Variants in ST6GALNAC5 observed in about 807,000 individuals in gnomAD.
ST6GALNAC5 encodes the protein alpha-N-acetylgalactosaminide alpha-2,6-sialyltransferase 5.
Under a neutral mutation model 33.6 loss-of-function variants are expected in ST6GALNAC5, and 27 were observed. The observed-to-expected ratio is 0.80, with a 90% CI of 0.59 to 1.11. The LOEUF (loss-of-function observed/expected upper bound fraction) is 1.11. Ranked by LOEUF, ST6GALNAC5 falls within the 50% of genes least tolerant of loss-of-function variation. The pLI is 0.00. For missense variants in ST6GALNAC5, 428 were observed against 454.0 expected, an observed-to-expected ratio of 0.94 and a Z score of 0.52; for synonymous variants, 194 against 171.2, an observed-to-expected ratio of 1.13 and a Z score of -1.04.
rs1272199962 is a variant in ST6GALNAC5 at position 77,063,925 on chromosome 1, C to A, written c.*719C>A. 2 of 152,652 alleles carry A rather than the reference C, an allele frequency of 1.3e-5. No individual in the cohort carries two copies. The highest frequency in any genetic ancestry group is 6.5e-5 in the Admixed American group (1 of 15,294). The allele number at this position is 152,652 out of a possible 1,614,324, so 9.5% of individuals were successfully genotyped here. ...GAAGTGTTGTGTTGTATTTTTTGAACCCCTAGGCTTCAGGAAAACTGCTCT... is the reference window on the plus strand; with the variant it reads ...GAAGTGTTGTGTTGTATTTTTTGAAACCCTAGGCTTCAGGAAAACTGCTCT... On this transcript the variant is annotated 3_prime_UTR_variant, in exon 5 of 5. Transcript: ENST00000477717.
chr1:77,038,013 G>A (rs779414738), intron 2 of ST6GALNAC5, among the ~76,000 whole-genome samples: 7 of 152,210 alleles, frequency 4.6e-5, no homozygotes, highest in Non-Finnish European at 7.3e-5. Context: ...GATGAAAAAT[G>A]GGGCTCAGAA....
At chr1:76,982,131 A>G (rs1649280484) in intron 2 of ST6GALNAC5, among the ~76,000 whole-genome samples, 1 of 152,208 alleles carries the variant, frequency 6.6e-6, no homozygotes, top group South Asian at 2.1e-4. Flanking sequence ...GCTCCTCGCC[A>G]GCAATGGAAC....
chr1:76,905,384 G>A (rs1266029775), intron 2 of ST6GALNAC5, among the ~76,000 whole-genome samples: 1 of 152,148 alleles, frequency 6.6e-6, no homozygotes, highest in Non-Finnish European at 1.5e-5. Context: ...GGTTAACAAT[G>A]ATTGTGGTCA....
chr1:76,983,194 C>G lies in ST6GALNAC5; in HGVS notation c.262-61010C>G, dbSNP rs1280503561. Among the ~76,000 whole-genome samples the G allele has an allele frequency of 5.9e-5, 9 of 152,168 alleles. 1 individual carries two copies. The Middle Eastern group carries it at 0.014, about 230-fold the overall frequency. ...TTTAAATGTAAATGGGCTAAATACC[C>G]CAATTAAAAGACACAGACTGGCAAA... On this transcript the variant is annotated intron_variant, in intron 2 of 4. Transcript: ENST00000477717.
chr1:76,903,527 C>T (rs1646837312), intron 2 of ST6GALNAC5, among the ~76,000 whole-genome samples: 1 of 152,102 alleles, frequency 6.6e-6, no homozygotes, highest in Non-Finnish European at 1.5e-5. Flanking sequence ...CAGTTCTACT[C>T]CTAGGTATAT....
chr1:76,878,922 G>GC (rs1205381925), intron 2 of ST6GALNAC5, among the ~76,000 whole-genome samples: 1 of 152,082 alleles, frequency 6.6e-6, no homozygotes, highest in Non-Finnish European at 1.5e-5. Flanking sequence ...AGGTAGCTAT[G>GC]CCCACCTTGC....
chr1:76,880,475 G>A (rs1047539381), intron 2 of ST6GALNAC5, among the ~76,000 whole-genome samples: 1 of 152,136 alleles, frequency 6.6e-6, no homozygotes, highest in Non-Finnish European at 1.5e-5. Context: ...ATACTTAATA[G>A]TTTATTAAGT....
At chr1:76,997,616 C>G (rs2100404021) in intron 2 of ST6GALNAC5, among the ~76,000 whole-genome samples, 1 of 152,260 alleles carries the variant, frequency 6.6e-6, no homozygotes, top group Admixed American at 6.5e-5. Context: ...CCAATGTTTT[C>G]TTTCCATGTT....
At chr1:77,014,955 C>T (rs980075691) in intron 2 of ST6GALNAC5, among the ~76,000 whole-genome samples, 14 of 152,024 alleles carry the variant, frequency 9.2e-5, no homozygotes, top group African/African-American at 3.4e-4. Flanking sequence ...TTATTGAGAA[C>T]TTGCCATGTG....
At chr1:77,027,809 T>C (rs958899439) in intron 2 of ST6GALNAC5, among the ~76,000 whole-genome samples, 5 of 152,170 alleles carry the variant, frequency 3.3e-5, no homozygotes, top group African/African-American at 7.2e-5. Context: ...TCATTAGGAA[T>C]TGGAATTATT....
intron 4 of ST6GALNAC5, among the ~76,000 whole-genome samples, chr1:77,057,486 T>C (rs1334173596): frequency 6.6e-6 from 1 of 152,182 alleles, no homozygotes; most frequent in East Asian, 1.9e-4. Flanking sequence ...AGTGGATAGC[T>C]GTGAAGAAGT....
At chr1:77,046,709 T>C (rs1252451845) in intron 3 of ST6GALNAC5, among the ~76,000 whole-genome samples, 1 of 152,240 alleles carries the variant, frequency 6.6e-6, no homozygotes, top group Non-Finnish European at 1.5e-5. Flanking sequence ...GGAGGGGAAT[T>C]ATTTAGTTTC....
At chr1:77,007,507 A>G (rs1400182712) in intron 2 of ST6GALNAC5, among the ~76,000 whole-genome samples, 1 of 152,244 alleles carries the variant, frequency 6.6e-6, no homozygotes, top group Admixed American at 6.5e-5. Flanking sequence ...TAGGAGTGAG[A>G]ATAAATGTTT....
chr1:77,020,729 T>A lies in ST6GALNAC5; in HGVS notation c.262-23475T>A, dbSNP rs1651020592. ...TGCCATGCCTCTTACTGAATGCACC[T>A]AGTAACAAACTACCCCACACTTGGT... On this transcript the variant is annotated intron_variant, in intron 2 of 4. Transcript: ENST00000477717. 3.9e-5 allele frequency among the ~76,000 whole-genome samples: 6 copies of A among 152,328 alleles called. No individual in the cohort carries two copies. The South Asian group carries it at 1.2e-3, about 32-fold the overall frequency.
At chr1:76,912,763 T>A (rs1421017259) in intron 2 of ST6GALNAC5, among the ~76,000 whole-genome samples, 1 of 152,158 alleles carries the variant, frequency 6.6e-6, no homozygotes, top group Non-Finnish European at 1.5e-5. Flanking sequence ...CTTTTTTTGT[T>A]TTCCATTTGC....
At chr1:76,898,061 G>A (rs1646771748) in intron 2 of ST6GALNAC5, among the ~76,000 whole-genome samples, 1 of 152,234 alleles carries the variant, frequency 6.6e-6, no homozygotes, top group Admixed American at 6.5e-5. Context: ...GAAGATCTGG[G>A]AAGGAGTCAG....
At chr1:76,931,870 A>G (rs143365681) in intron 2 of ST6GALNAC5, among the ~76,000 whole-genome samples, 2,029 of 152,232 alleles carry the variant, frequency 0.013, 49 homozygotes, top group African/African-American at 0.046. Context: ...ACATTTAAGG[A>G]TCATGCAGAA....
chr1:77,025,079 G>T (rs77827940), intron 2 of ST6GALNAC5, among the ~76,000 whole-genome samples: 1 of 152,142 alleles, frequency 6.6e-6, no homozygotes, highest in South Asian at 2.1e-4. Flanking sequence ...AAGCCTGATC[G>T]ATTCTGAAGT....
intron 2 of ST6GALNAC5, among the ~76,000 whole-genome samples, chr1:76,886,366 A>G (rs911268224): frequency 5.9e-5 from 9 of 152,066 alleles, no homozygotes; most frequent in Non-Finnish European, 1.3e-4. Flanking sequence ...TTTCAAGTAT[A>G]TGGTATTATA....
Sources: allele counts gnomAD v4.1 joint callset (sites outside exome capture counted in the v4.1 genomes callset), GRCh38; gene constraint gnomAD v4.1.1; transcripts MANE v1.5; gene names NCBI Gene and HGNC (gene_info 2026-07-23, HGNC 2026-07-21).